The following RIN2 variants were observed in gnomAD, a reference collection of about 807,000 sequenced individuals.
RIN2 encodes the protein Ras and Rab interactor 2, also known as RAB5 interacting protein 2.
In RIN2, 36 loss-of-function variants were observed where a neutral mutation model predicts 78.0. The observed-to-expected ratio is 0.46, with a 90% CI of 0.35 to 0.61. RIN2 has a LOEUF of 0.61. Ranked by LOEUF, RIN2 falls within the 20% of genes least tolerant of loss-of-function variation. The pLI, the probability that RIN2 is intolerant of heterozygous loss-of-function variation, is 0.00. For synonymous variants in RIN2, 466 were observed against 466.8 expected, an observed-to-expected ratio of 1.00 and a Z score of 0.02; for missense variants, 1,087 against 1,159.7, an observed-to-expected ratio of 0.94 and a Z score of 0.91.
chr20:19,992,788 G>T (rs1488357763), intron 11 of RIN2, among the ~76,000 whole-genome samples: 1 of 152,156 alleles, frequency 6.6e-6, no homozygotes, highest in Non-Finnish European at 1.5e-5. Context: ...ATAAACTTTT[G>T]TTGAGGATAT....
intron 6 of RIN2, among the ~76,000 whole-genome samples, chr20:19,964,365 T>G (rs1265283574): frequency 6.6e-6 from 1 of 152,110 alleles, no homozygotes; most frequent in Non-Finnish European, 1.5e-5. Context: ...CTCCTCGGCC[T>G]CCCAAAGTGC....
chr20:19,904,131 C>A (rs959116238), intron 3 of RIN2, among the ~76,000 whole-genome samples: 1 of 151,668 alleles, frequency 6.6e-6, no homozygotes, highest in African/African-American at 2.4e-5. Flanking sequence ...ACTCGGGAGG[C>A]TGAGGCAGGA....
At chr20:19,981,795 T>C (rs368207943) in intron 9 of RIN2, among the ~76,000 whole-genome samples, 3 of 152,358 alleles carry the variant, frequency 2.0e-5, no homozygotes, top group African/African-American at 7.2e-5. Context: ...TCAGTATTTA[T>C]TATTTATGAG....
chr20:19,842,209 T>G (rs917503045), intron 2 of RIN2, among the ~76,000 whole-genome samples: 6 of 59,690 alleles, frequency 1.0e-4, no homozygotes, highest in Non-Finnish European at 1.3e-4. Flanking sequence ...TGTTTCTTTG[T>G]TTTTTTTGTT....
chr20:19,796,936 G>A (rs955530133), intron 1 of RIN2, among the ~76,000 whole-genome samples: 4 of 152,146 alleles, frequency 2.6e-5, no homozygotes, highest in African/African-American at 9.7e-5. Flanking sequence ...AATGTTTTTT[G>A]TTTTTTGTTT....
chr20:19,847,514 C>G (rs1160674455), intron 2 of RIN2, among the ~76,000 whole-genome samples: 1 of 152,194 alleles, frequency 6.6e-6, no homozygotes, highest in Admixed American at 6.5e-5. Context: ...GCCACTTCAG[C>G]TTCCGGAGAC....
chr20:19,889,105 C>A (rs749541688), intron 2 of RIN2: 20 of 985,214 alleles, frequency 2.0e-5, no homozygotes, highest in Non-Finnish European at 2.4e-5. Context: ...TTGACCTTGC[C>A]TGGGGGAGAG....
chr20:19,971,067 G>T, intron 8 of RIN2, 138 bp downstream of exon 8: 1 of 647,268 alleles, frequency 1.5e-6, no homozygotes, highest in South Asian at 2.0e-5. Flanking sequence ...CCAAAATGTT[G>T]ACGTCCTCTT....
intron 1 of RIN2, among the ~76,000 whole-genome samples, chr20:19,773,249 TC>T (rs1331076408): frequency 6.6e-6 from 1 of 152,174 alleles, no homozygotes; most frequent in Non-Finnish European, 1.5e-5. Flanking sequence ...GATGACCTCA[TC>T]TAAATTAGTT....
chr20:19,884,142 CGTG>C (rs2038110305), intron 2 of RIN2, among the ~76,000 whole-genome samples: 1 of 149,456 alleles, frequency 6.7e-6, no homozygotes, highest in Non-Finnish European at 1.5e-5. Flanking sequence ...TAGGACCAGG[CGTG>C]GTGGTTTACG....
At chr20:19,819,174 A>G (rs1428633854) in intron 2 of RIN2, among the ~76,000 whole-genome samples, 7 of 152,234 alleles carry the variant, frequency 4.6e-5, no homozygotes, top group Non-Finnish European at 8.8e-5. Context: ...GGCTTAAACA[A>G]CAGAAATGTA....
At chr20:19,985,996 G>A (rs1039419583) in intron 9 of RIN2, among the ~76,000 whole-genome samples, 1 of 152,186 alleles carries the variant, frequency 6.6e-6, no homozygotes, top group Non-Finnish European at 1.5e-5. Flanking sequence ...TCCAGTGCAG[G>A]TAAAGTGGCT....
chr20:19,931,416 C>T (rs1002268154), intron 3 of RIN2, among the ~76,000 whole-genome samples: 2 of 152,180 alleles, frequency 1.3e-5, no homozygotes, highest in African/African-American at 4.8e-5. Flanking sequence ...GCTGAGATTA[C>T]AGGCATGAGC....
rs2043130858 is a variant in RIN2, at chr20:20,001,116, T to C, written c.*180T>C. The C allele has an allele frequency of 1.7e-6, 1 of 583,726 alleles. No individual in the cohort carries two copies. The highest frequency in any genetic ancestry group is 3.0e-5 in the Admixed American group (1 of 33,490). 36.2% of individuals were successfully genotyped at this position (583,726 alleles called of 1,614,324 possible). On this transcript the variant is annotated 3_prime_UTR_variant, in exon 13 of 13. Transcript: ENST00000255006. ...CTTTAGCCACGCAAGGTAGCTGAGG[T>C]TTGTGAAACAGTAGGATTCTCTTTT...
At chr20:19,956,856 C>G in intron 5 of RIN2, 49 bp downstream of exon 5, 1 of 1,436,850 alleles carries the variant, frequency 7.0e-7, no homozygotes. Context: ...AGGACTGCTG[C>G]CGGCTTAAAG....
intron 2 of RIN2, among the ~76,000 whole-genome samples, chr20:19,850,979 A>T (rs1420199969): frequency 3.4e-5 from 5 of 145,884 alleles, no homozygotes; most frequent in Non-Finnish European, 7.5e-5. Flanking sequence ...TGTCAAAAAA[A>T]GAAAGGGAGA....
intron 1 of RIN2, among the ~76,000 whole-genome samples, chr20:19,774,768 T>G (rs1225358582): frequency 6.6e-6 from 1 of 152,154 alleles, no homozygotes; most frequent in Non-Finnish European, 1.5e-5. Context: ...TAGGATTTGG[T>G]GTTACAAAGT....
intron 9 of RIN2, among the ~76,000 whole-genome samples, chr20:19,979,070 A>G (rs1005205069): frequency 1.3e-5 from 2 of 152,216 alleles, no homozygotes; most frequent in African/African-American, 4.8e-5. Flanking sequence ...AGTTTCTGGT[A>G]GAGAAATCTT....
Position 19,992,237 on chromosome 20 carries a change from A to C in RIN2, c.2138A>C (p.Glu713Ala). 6.2e-7 allele frequency: 1 copy of C among 1,605,520 alleles called. No homozygotes were observed. The highest frequency in any genetic ancestry group is 8.5e-7 in the Non-Finnish European group (1 of 1,175,726). Residue 713 changes from glutamate to alanine, a missense_variant, in exon 11 of 13, where the codon GAA becomes GCA. Glu to Ala is a moderately radical substitution (Grantham distance 107). Around this residue, in one of 8 missense-constraint regions of RIN2, gnomAD observed 45 missense variants for 88.1 expected, o/e 0.51. Transcript: ENST00000255006. The stretch of plus-strand genomic sequence containing the variant: ...GTCATAGCCCAGTGTGACATGCTTG[A>C]ATTGGACACTGAAATCGAGTACATG... The part of the protein sequence containing the change: ...TYVIAQCDML[E>A]LDTEIEYMME...
Sources: allele counts gnomAD v4.1 joint callset (sites outside exome capture counted in the v4.1 genomes callset), GRCh38; gene constraint gnomAD v4.1.1; regional missense constraint gnomAD v4.1.1; transcripts MANE v1.5; gene names NCBI Gene and HGNC (gene_info 2026-07-23, HGNC 2026-07-21).